The following EHBP1 variants were observed in gnomAD, a reference collection of about 807,000 sequenced individuals.
EHBP1 encodes EH domain binding protein 1.
EHBP1 carries 55 observed loss-of-function variants against 144.0 expected under a neutral mutation model. The ratio of observed to expected loss-of-function variants is 0.38; its 90% CI spans 0.31 to 0.48. The LOEUF (loss-of-function observed/expected upper bound fraction) is 0.48. Ranked by LOEUF, EHBP1 falls within the 20% of genes least tolerant of loss-of-function variation. The pLI, the probability that EHBP1 is intolerant of heterozygous loss-of-function variation, is 0.98. For synonymous variants in EHBP1, 469 were observed against 472.7 expected (o/e 0.99, Z 0.10); for missense variants, 1,200 against 1,364.2 (o/e 0.88, Z 1.90).
intron 14 of EHBP1, among the ~76,000 whole-genome samples, chr2:62,976,782 C>G (rs1295361015): frequency 6.6e-6 from 1 of 152,182 alleles, no homozygotes; most frequent in East Asian, 1.9e-4. Flanking sequence ...CTAACATCTA[C>G]TCAGATGTCC....
chr2:62,748,598 T>G lies in EHBP1; in HGVS notation c.162+1146T>G, dbSNP rs938915822. Among the ~76,000 whole-genome samples the G allele has an allele frequency of 4.6e-5, 7 of 152,208 alleles. No individual in the cohort carries two copies. In the East Asian group the frequency reaches 1.2e-3, roughly 25 times the overall value. ...TTGCTTGAGCCCAGGAGTTTGAAGC[T>G]TTATTGAGCTAAGATTGTGCCACTG... On this transcript the variant is annotated intron_variant, in intron 3 of 22. Transcript: ENST00000431489.
At chr2:62,683,215 C>T (rs947885256) in intron 1 of EHBP1, among the ~76,000 whole-genome samples, 1 of 152,114 alleles carries the variant, frequency 6.6e-6, no homozygotes, top group African/African-American at 2.4e-5. Context: ...TGCCTGGCAT[C>T]CCCCAGAAGC....
At chr2:62,874,800 T>G (rs1024054796) in intron 10 of EHBP1, among the ~76,000 whole-genome samples, 1 of 152,136 alleles carries the variant, frequency 6.6e-6, no homozygotes, top group Non-Finnish European at 1.5e-5. Flanking sequence ...GTAAGATTGG[T>G]GCTTTAAAGA....
chr2:63,007,868 T>A (rs2060110557), intron 19 of EHBP1, among the ~76,000 whole-genome samples: 1 of 151,818 alleles, frequency 6.6e-6, no homozygotes, highest in Non-Finnish European at 1.5e-5. Context: ...AATAGCTACA[T>A]TAAAAAATAC....
chr2:62,908,077 GT>G (rs2053938579), intron 10 of EHBP1, among the ~76,000 whole-genome samples: 2 of 152,184 alleles, frequency 1.3e-5, no homozygotes, highest in African/African-American at 4.8e-5. Flanking sequence ...ATGAAGCCAT[GT>G]GGACCTGGAG....
chr2:62,777,946 T>C lies in EHBP1; in HGVS notation c.312+6554T>C, dbSNP rs147832811. Among the ~76,000 whole-genome samples the C allele has an allele frequency of 2.8e-3, 426 of 152,274 alleles. 2 individuals are homozygous for C. Among genetic ancestry groups the C allele is most frequent in the Admixed American group, 0.018 (277 of 15,286 alleles). ...CCAACAGAAAACATGAGCTCCCCCA[T>C]TAAAGATTAATAGACATCTGCTTTT... On this transcript the variant is annotated intron_variant, in intron 5 of 22. Transcript: ENST00000431489.
At chr2:63,026,334 GTGTGTGTGTGTC>G (rs750824858) in intron 19 of EHBP1, among the ~76,000 whole-genome samples, 1 of 149,984 alleles carries the variant, frequency 6.7e-6, no homozygotes, top group African/African-American at 2.5e-5. Flanking sequence ...GTGTGTGTGT[GTGTGTGTGTGTC>G]TGTGTGTATA....
intron 1 of EHBP1, chr2:62,706,576 C>G (rs1400467838): frequency 6.6e-6 from 1 of 152,614 alleles, no homozygotes; most frequent in Non-Finnish European, 1.5e-5. Flanking sequence ...AACAGCATCC[C>G]TAGACTTTCC....
chr2:62,880,551 C>G (rs1350524703), intron 10 of EHBP1, among the ~76,000 whole-genome samples: 1 of 151,868 alleles, frequency 6.6e-6, no homozygotes, highest in African/African-American at 2.4e-5. Flanking sequence ...AATTAACAAG[C>G]AAAAAACAAC....
chr2:62,693,002 C>A (rs945848252), intron 1 of EHBP1, among the ~76,000 whole-genome samples: 1 of 151,816 alleles, frequency 6.6e-6, no homozygotes, highest in Non-Finnish European at 1.5e-5. Flanking sequence ...TCCTCATGAC[C>A]CCTACCCCTT....
At chr2:62,934,024 T>C (rs2056198867) in intron 10 of EHBP1, among the ~76,000 whole-genome samples, 1 of 152,232 alleles carries the variant, frequency 6.6e-6, no homozygotes, top group South Asian at 2.1e-4. Context: ...TTTAAAGTGC[T>C]GCTGTGAACA....
rs773947537 is a variant in EHBP1, at chr2:62,864,793, A to G, written c.820A>G (p.Asn274Asp). Residue 274 changes from asparagine (N) to aspartate (D), a missense_variant, in exon 9 of 23, where the codon AAT (asparagine) becomes GAT (aspartate). Transcript: ENST00000431489. ...AGACTCTTTTTATAATAACAGCTATAATCCCTTTAAAGAGGTGCAGACTCC... is the reference window on the plus strand; with the variant it reads ...AGACTCTTTTTATAATAACAGCTATGATCCCTTTAAAGAGGTGCAGACTCC... ...TEDSFYNNSY[N>D]PFKEVQTPQY... is the part of the protein sequence containing the mutation. The G allele has an allele frequency of 6.2e-6, 10 of 1,613,946 alleles. No individual in the cohort carries two copies. In the South Asian group the frequency reaches 8.8e-5, roughly 14 times the overall value.
intron 1 of EHBP1, among the ~76,000 whole-genome samples, chr2:62,674,413 G>A (rs1440557199): frequency 6.6e-6 from 1 of 152,208 alleles, no homozygotes; most frequent in East Asian, 1.9e-4. Context: ...TTTTGGGGAA[G>A]TTTGCTTTAT....
chr2:63,012,293 C>T (rs1301981211), intron 19 of EHBP1, among the ~76,000 whole-genome samples: 4 of 151,844 alleles, frequency 2.6e-5, no homozygotes, highest in African/African-American at 9.7e-5. Flanking sequence ...AGAAATGATC[C>T]AATCTCTTAC....
chr2:62,952,030 G>T (rs1015523927), intron 13 of EHBP1, among the ~76,000 whole-genome samples: 1 of 152,148 alleles, frequency 6.6e-6, no homozygotes, highest in African/African-American at 2.4e-5. Flanking sequence ...GTTAAATGAA[G>T]CAATCTTTAA....
chr2:62,675,662 T>G (rs1230551694), intron 1 of EHBP1, among the ~76,000 whole-genome samples: 1 of 152,124 alleles, frequency 6.6e-6, no homozygotes, highest in African/African-American at 2.4e-5. Context: ...TTTTCAATGC[T>G]GCAAAAAAAG....
intron 15 of EHBP1, among the ~76,000 whole-genome samples, chr2:62,983,488 A>C (rs2059057313): frequency 6.6e-6 from 1 of 152,082 alleles, no homozygotes; most frequent in Non-Finnish European, 1.5e-5. Context: ...ATAGCTTATC[A>C]CTTTGGTTTA....
rs530965853 is a variant in EHBP1, at chr2:62,729,990, T to C, written c.105-17405T>C. 3.3e-5 allele frequency among the ~76,000 whole-genome samples: 5 copies of C among 152,268 alleles called. No individual in the cohort carries two copies. The South Asian group carries it at 1.0e-3, about 32-fold the overall frequency. On this transcript the variant is annotated intron_variant, in intron 2 of 22. Coordinates refer to ENST00000431489, the MANE Select transcript of EHBP1 (RefSeq NM_001142616.3). ...ACCACTGTAATAAAGCAAATATTGC[T>C]ATAGAGAGAGTCACACAAATTCTTT...
Position 62,827,738 on chromosome 2 carries a change from G to A in EHBP1, c.494+1470G>A, listed in dbSNP as rs374131965. On this transcript the variant is annotated intron_variant, in intron 6 of 22. Transcript: ENST00000431489. ...GCTGGAGTGCAGTGGCACGATCTCG[G>A]CTCACTGCAACCTCCACCTCCTGGG... 1.6e-4 allele frequency among the ~76,000 whole-genome samples: 24 copies of A among 152,040 alleles called. 1 individual carries two copies. The South Asian group carries it at 4.8e-3, about 30-fold the overall frequency.
Sources: gnomAD v4.1 joint callset for allele counts (sites outside exome capture counted in the v4.1 genomes callset) on GRCh38, gnomAD v4.1.1 for gene constraint, MANE v1.5 for transcripts, NCBI Gene and HGNC (gene_info 2026-07-23, HGNC 2026-07-21) for gene names.